Variants in CLYBL observed in about 807,000 individuals in gnomAD.
CLYBL encodes the protein citramalyl-CoA lyase, mitochondrial.
In CLYBL, 31 loss-of-function variants were observed where a neutral mutation model predicts 38.9. The observed-to-expected ratio is 0.80, with a 90% CI of 0.60 to 1.08. CLYBL has a LOEUF of 1.08. Among genes scored for constraint, CLYBL ranks in the 50% least tolerant of loss-of-function variants. The pLI, the probability that CLYBL is intolerant of heterozygous loss-of-function variation, is 0.00. For missense variants in CLYBL, 434 were observed against 411.6 expected (o/e 1.05, Z -0.47); for synonymous variants, 171 against 158.6 (o/e 1.08, Z -0.59).
intron 2 of CLYBL, among the ~76,000 whole-genome samples, chr13:99,808,055 C>A (rs2050266132): frequency 6.6e-6 from 1 of 151,840 alleles, no homozygotes; most frequent in South Asian, 2.1e-4. Context: ...GGTTCAGGAT[C>A]CTCTTGGTTT....
chr13:99,767,918 GC>G (rs1190939703), intron 1 of CLYBL, among the ~76,000 whole-genome samples: 1 of 152,056 alleles, frequency 6.6e-6, no homozygotes, highest in Non-Finnish European at 1.5e-5. Context: ...TAAAGTCTTT[GC>G]CATCAGGTCT....
At chr13:99,710,544 A>T (rs979802989) in intron 1 of CLYBL, among the ~76,000 whole-genome samples, 5 of 152,200 alleles carry the variant, frequency 3.3e-5, no homozygotes, top group Non-Finnish European at 5.9e-5. Context: ...GGTAGGGAAG[A>T]AAAGTAAAAG....
At chr13:99,677,219 A>G (rs920244423) in intron 1 of CLYBL, among the ~76,000 whole-genome samples, 1 of 152,316 alleles carries the variant, frequency 6.6e-6, no homozygotes, top group African/African-American at 2.4e-5. Context: ...ATTATTTCAG[A>G]ATCCAGATCA....
chr13:99,783,800 T>C (rs1326417747), intron 2 of CLYBL: 1 of 152,182 alleles, frequency 6.6e-6, no homozygotes, highest in Non-Finnish European at 1.5e-5. Flanking sequence ...GGGACACTTA[T>C]TTACTTTCCC....
intron 1 of CLYBL, among the ~76,000 whole-genome samples, chr13:99,669,040 T>G (rs568037622): frequency 1.6e-4 from 24 of 150,796 alleles, no homozygotes; most frequent in Non-Finnish European, 3.0e-4. Flanking sequence ...TTTTGCTCTG[T>G]CACCAGGCTG....
At chr13:99,756,164 A>G (rs1369801381) in intron 1 of CLYBL, among the ~76,000 whole-genome samples, 4 of 152,134 alleles carry the variant, frequency 2.6e-5, no homozygotes, top group Non-Finnish European at 5.9e-5. Context: ...GTGGGTGGGG[A>G]TGTGAAGCAA....
rs199608924 is a variant in CLYBL at position 99,891,335 on chromosome 13, A to G, written c.945A>G (p.Gln315=). Residue 315 remains glutamine (Q), a synonymous_variant, in exon 8 of 9, where the codon CAA becomes CAG. Coordinates refer to ENST00000339105, the MANE Select transcript of CLYBL (RefSeq NM_206808.5). Reference sequence around the variant, plus strand: ...TTTTCCAGGGGGCCTTTACTTTCCAAGGGAGTATGATCGACATGCCATTAC... The same window carrying G: ...TTTTCCAGGGGGCCTTTACTTTCCAGGGGAGTATGATCGACATGCCATTAC... ...QQLGKGAFTF[Q]GSMIDMPLLK... is the part of the protein sequence containing the mutation. 1.2e-3 allele frequency: 1,994 copies of G among 1,613,412 alleles called. 48 individuals are homozygous for G. The South Asian group carries it at 0.021, about 17-fold the overall frequency.
At chr13:99,671,508 G>A (rs561919036) in intron 1 of CLYBL, among the ~76,000 whole-genome samples, 40 of 152,228 alleles carry the variant, frequency 2.6e-4, no homozygotes, top group African/African-American at 9.6e-4. Context: ...GGCTGGGCAC[G>A]ATGGCTCACA....
At chr13:99,628,631 A>G (rs1246531743) in intron 1 of CLYBL, among the ~76,000 whole-genome samples, 2 of 152,236 alleles carry the variant, frequency 1.3e-5, no homozygotes, top group Non-Finnish European at 2.9e-5. Flanking sequence ...GGAAGGTGTC[A>G]TTTATAAGCA....
chr13:99,772,805 C>T lies in CLYBL; in HGVS notation c.63-19C>T. Reference sequence around the variant, plus strand: ...ACAGAAATCTCATTCTGGACTAACCCCAATCACGTGTCTTGCAGGAAAGCG... The same window carrying T: ...ACAGAAATCTCATTCTGGACTAACCTCAATCACGTGTCTTGCAGGAAAGCG... On this transcript the variant is annotated intron_variant, in intron 1 of 8. Transcript: ENST00000339105. The T allele has an allele frequency of 6.4e-7, 1 of 1,570,102 alleles. No homozygotes were observed. Among genetic ancestry groups the T allele is most frequent in the Non-Finnish European group, 8.6e-7 (1 of 1,163,918 alleles).
chr13:99,679,171 G>A (rs1220124090), intron 1 of CLYBL, among the ~76,000 whole-genome samples: 3 of 151,920 alleles, frequency 2.0e-5, no homozygotes, highest in Non-Finnish European at 4.4e-5. Flanking sequence ...GCGGGCGCCT[G>A]TGGTCCCAGC....
chr13:99,820,004 C>T (rs1279692678), intron 2 of CLYBL, among the ~76,000 whole-genome samples: 2 of 152,192 alleles, frequency 1.3e-5, no homozygotes, highest in Non-Finnish European at 2.9e-5. Flanking sequence ...TGGACATTTG[C>T]ACTCAGTGGC....
downstream of CLYBL, among the ~76,000 whole-genome samples, chr13:99,900,927 A>T (rs1231329227): frequency 6.6e-6 from 1 of 152,224 alleles, no homozygotes; most frequent in Admixed American, 6.5e-5. Context: ...CCACCAGGCC[A>T]GTGCCACCTC....
chr13:99,853,441 C>T (rs1243897953), intron 2 of CLYBL, among the ~76,000 whole-genome samples: 2 of 152,182 alleles, frequency 1.3e-5, no homozygotes, highest in East Asian at 1.9e-4. Flanking sequence ...TGGCATGTAA[C>T]GCTTTGTAAG....
chr13:99,870,510 A>G (rs1297443321), intron 6 of CLYBL, among the ~76,000 whole-genome samples: 3 of 152,246 alleles, frequency 2.0e-5, no homozygotes, highest in Non-Finnish European at 4.4e-5. Flanking sequence ...AATTCTACAA[A>G]GAAAGCAAAA....
chr13:99,874,596 TCAAG>T (rs539002235), intron 7 of CLYBL, among the ~76,000 whole-genome samples: 278 of 152,272 alleles, frequency 1.8e-3, no homozygotes, highest in African/African-American at 5.8e-3. Context: ...TGAAAACATC[TCAAG>T]CAAATAATCA....
intron 1 of CLYBL, among the ~76,000 whole-genome samples, chr13:99,716,432 G>A (rs182059750): frequency 1.4e-5 from 2 of 147,830 alleles, no homozygotes; most frequent in Admixed American, 1.4e-4. Context: ...CGCCCAGACT[G>A]GAGTGCAATG....
intron 1 of CLYBL, among the ~76,000 whole-genome samples, chr13:99,710,784 T>A (rs1053187317): frequency 6.6e-6 from 1 of 152,054 alleles, no homozygotes; most frequent in Non-Finnish European, 1.5e-5. Flanking sequence ...TTCACATACA[T>A]CTCTGCCAAA....
At chr13:99,819,416 T>TTATA (rs71715024) in intron 2 of CLYBL, among the ~76,000 whole-genome samples, 473 of 18,098 alleles carry the variant, frequency 0.026, 17 homozygotes, top group Non-Finnish European at 0.034. Context: ...GGGAAAAAAT[T>TTATA]TATATATATA....
Sources: gnomAD v4.1 joint callset for allele counts (sites outside exome capture counted in the v4.1 genomes callset) on GRCh38, gnomAD v4.1.1 for gene constraint, MANE v1.5 for transcripts, NCBI Gene and HGNC (gene_info 2026-07-23, HGNC 2026-07-21) for gene names.